The following SVIL variants were observed in gnomAD, a reference collection of about 807,000 sequenced individuals.
SVIL encodes archvillin.
SVIL carries 101 observed loss-of-function variants against 240.4 expected under a neutral mutation model. The ratio of observed to expected loss-of-function variants is 0.42; its 90% CI spans 0.36 to 0.50. The LOEUF (loss-of-function observed/expected upper bound fraction) is 0.50. SVIL is among the 20% of genes least tolerant of loss of function. The pLI is 0.01. For missense variants in SVIL, 2,512 were observed against 2,818.7 expected (o/e 0.89, Z 2.46); for synonymous variants, 999 against 1,100.0 (o/e 0.91, Z 1.82).
At position 29,493,387 on chromosome 10, in the gene SVIL, G is replaced by A. The variant is rs1948145442; in HGVS notation, c.3846C>T (p.Gly1282=). 1 of 1,613,738 alleles carries A rather than the reference G, an allele frequency of 6.2e-7. No individual in the cohort carries two copies. The highest frequency in any genetic ancestry group is 8.5e-7 in the Non-Finnish European group (1 of 1,179,824). Reference sequence around the variant, plus strand: ...CAGTGAGCACCGTTTCGTGCATCCCGCCAACTATCAACAAACAAGCAAAAG... The same window carrying A: ...CAGTGAGCACCGTTTCGTGCATCCCACCAACTATCAACAAACAAGCAAAAG... ...TFLRRLNNKV[G]GMHETVLTVT... The change falls in exon 21 of 38, where the codon GGC becomes GGT. Residue 1282 remains glycine (G), a synonymous_variant. Coordinates refer to ENST00000355867, the MANE Select transcript of SVIL (RefSeq NM_021738.3).
Position 29,480,480 on chromosome 10 carries a change from C to T in SVIL, c.5377+57G>A, listed in dbSNP as rs1588900350. The T allele has an allele frequency of 1.3e-5, 20 of 1,590,258 alleles. No individual in the cohort carries two copies. The South Asian group carries it at 1.6e-4, about 13-fold the overall frequency. On this transcript the variant is annotated intron_variant, in intron 29 of 37. Transcript: ENST00000355867. ...AGGGTTCATTGGAGAAGCTGGCTCC[C>T]GCAGGGCTGCCGGGCCAGCCTCTTT...
intron 16 of SVIL, among the ~76,000 whole-genome samples, chr10:29,520,849 G>A (rs901096293): frequency 3.3e-5 from 5 of 151,502 alleles, no homozygotes; most frequent in African/African-American, 9.7e-5. Flanking sequence ...CCAGGAGTTC[G>A]AGGCTGCAGT....
chr10:29,620,856 A>G (rs1957606319), intron 1 of SVIL, among the ~76,000 whole-genome samples: 1 of 152,120 alleles, frequency 6.6e-6, no homozygotes, highest in African/African-American at 2.4e-5. Flanking sequence ...TGACCTCGTG[A>G]TCCACCCACC....
chr10:29,464,850 T>G (rs1457704635), intron 34 of SVIL, among the ~76,000 whole-genome samples: 1 of 148,914 alleles, frequency 6.7e-6, no homozygotes, highest in African/African-American at 2.5e-5. Context: ...TGACCTTGGC[T>G]TCATTGGAGG....
At chr10:29,550,017 T>C (rs1230950223) in intron 6 of SVIL, among the ~76,000 whole-genome samples, 7 of 28,070 alleles carry the variant, frequency 2.5e-4, no homozygotes, top group African/African-American at 1.3e-3. Flanking sequence ...AAACTTAAAG[T>C]ATAAAAAAAA....
chr10:29,458,242 C>T lies in SVIL; in HGVS notation c.*5G>A, dbSNP rs1035420756. The T allele has an allele frequency of 1.2e-6, 2 of 1,614,100 alleles. No individual in the cohort carries two copies. Among genetic ancestry groups the T allele is most frequent in the Non-Finnish European group, 1.7e-6 (2 of 1,179,984 alleles). On this transcript the variant is annotated 3_prime_UTR_variant, in exon 38 of 38. Coordinates refer to ENST00000355867, the MANE Select transcript of SVIL (RefSeq NM_021738.3). ...GACCGTGAGGCTCCTCTGGCGTCTC[C>T]CCACTCAGAACAGGCCTTTTGCTTT... is the stretch of plus-strand genomic sequence containing the variant.
intron 2 of SVIL, among the ~76,000 whole-genome samples, chr10:29,665,934 G>A (rs1168247016): frequency 6.6e-6 from 1 of 152,240 alleles, no homozygotes; most frequent in African/African-American, 2.4e-5. Flanking sequence ...GGGGAAAAAA[G>A]GGGATGGGTC....
At chr10:29,558,190 C>G (rs1451451512) in intron 3 of SVIL, among the ~76,000 whole-genome samples, 1 of 152,092 alleles carries the variant, frequency 6.6e-6, no homozygotes, top group African/African-American at 2.4e-5. Context: ...TTCAGTCAAG[C>G]CTAGATTCAA....
At chr10:29,527,529 T>G (rs1409175519) in intron 12 of SVIL, among the ~76,000 whole-genome samples, 1 of 151,092 alleles carries the variant, frequency 6.6e-6, no homozygotes, top group Non-Finnish European at 1.5e-5. Context: ...CGGGGTCAAG[T>G]GATTCTCCTG....
chr10:29,628,791 C>A (rs1957972537), intron 1 of SVIL, among the ~76,000 whole-genome samples: 1 of 152,120 alleles, frequency 6.6e-6, no homozygotes, highest in African/African-American at 2.4e-5. Context: ...AGAGGAACAC[C>A]AGGATTTTTT....
At chr10:29,713,790 C>T (rs1174353139) in intron 1 of SVIL, among the ~76,000 whole-genome samples, 2 of 152,224 alleles carry the variant, frequency 1.3e-5, no homozygotes, top group Non-Finnish European at 2.9e-5. Flanking sequence ...CTCCAATATA[C>T]TTGAAGCTTT....
At chr10:29,691,791 G>A (rs1728547287) in intron 1 of SVIL, among the ~76,000 whole-genome samples, 1 of 152,118 alleles carries the variant, frequency 6.6e-6, no homozygotes. Flanking sequence ...AAAGATTACG[G>A]AATCCCTGTA....
At chr10:29,501,424 T>G in intron 17 of SVIL, among the ~76,000 whole-genome samples, 1 of 137,206 alleles carries the variant, frequency 7.3e-6, no homozygotes, top group African/African-American at 2.7e-5. Flanking sequence ...AAAAATGAGA[T>G]GGGGGAAGAG....
rs572082486 is a variant in SVIL at position 29,569,756 on chromosome 10, T to C, written c.-200-444A>G. Among the ~76,000 whole-genome samples the C allele has an allele frequency of 3.3e-5, 5 of 152,272 alleles. No individual in the cohort carries two copies. The South Asian group carries it at 1.0e-3, about 32-fold the overall frequency. ...ATGCCTTTAAAGAATGGGGGTGGGG[T>C]CTGAAGAGCAAAGGACAACTCAGCT... On this transcript the variant is annotated intron_variant, in intron 1 of 37. Transcript: ENST00000355867.
Position 29,574,345 on chromosome 10 carries a change from A to T in SVIL, c.-200-5033T>A, listed in dbSNP as rs540154168. Among the ~76,000 whole-genome samples the T allele has an allele frequency of 5.9e-5, 9 of 152,244 alleles. No individual in the cohort carries two copies. In the South Asian group the frequency reaches 1.9e-3, roughly 32 times the overall value. On this transcript the variant is annotated intron_variant, in intron 1 of 37. Coordinates refer to ENST00000355867, the MANE Select transcript of SVIL (RefSeq NM_021738.3). ...GCATGTCATGTAACATGGTCATGTC[A>T]TGGTACACATCACACCACACCATGG...
At chr10:29,627,961 C>T (rs554323729) in intron 1 of SVIL, among the ~76,000 whole-genome samples, 3 of 152,320 alleles carry the variant, frequency 2.0e-5, no homozygotes, top group East Asian at 1.9e-4. Context: ...TGCTTCTTAA[C>T]GGTACAGCCA....
intron 1 of SVIL, chr10:29,711,784 A>G (rs2069515100): frequency 6.6e-6 from 1 of 151,848 alleles, no homozygotes; most frequent in Admixed American, 6.6e-5. Flanking sequence ...AAAAAGTGCC[A>G]TGATTTAGAG....
At chr10:29,679,985 C>G (rs542769426) in intron 2 of SVIL, among the ~76,000 whole-genome samples, 96 of 151,876 alleles carry the variant, frequency 6.3e-4, no homozygotes, top group African/African-American at 2.1e-3. Context: ...GAGTTCGAGA[C>G]CCTCGGCAAT....
At chr10:29,664,425 A>G (rs1204618468) in intron 2 of SVIL, among the ~76,000 whole-genome samples, 1 of 152,010 alleles carries the variant, frequency 6.6e-6, no homozygotes, top group Non-Finnish European at 1.5e-5. Flanking sequence ...ATAGCAGGAG[A>G]CCTCTGGCTG....
Sources: gnomAD v4.1 joint callset for allele counts (sites outside exome capture counted in the v4.1 genomes callset) on GRCh38, gnomAD v4.1.1 for gene constraint, MANE v1.5 for transcripts, NCBI Gene and HGNC (gene_info 2026-07-23, HGNC 2026-07-21) for gene names.